The following BTBD9 variants were observed in gnomAD, a reference collection of about 807,000 sequenced individuals.
BTBD9 encodes the protein BTB domain containing 9.
In BTBD9, 49 loss-of-function variants were observed where a neutral mutation model predicts 64.3. The observed-to-expected ratio is 0.76, with a 90% CI of 0.61 to 0.97. BTBD9 has a LOEUF of 0.97. Among genes scored for constraint, BTBD9 ranks in the 50% least tolerant of loss-of-function variants. The probability of loss-of-function intolerance (pLI) is 0.00; values close to 1 mark genes in which losing one functional copy is unlikely to be tolerated. For synonymous variants in BTBD9, 260 were observed against 274.7 expected, an observed-to-expected ratio of 0.95 and a Z score of 0.53; for missense variants, 598 against 762.1, an observed-to-expected ratio of 0.78 and a Z score of 2.53.
chr6:38,293,257 T>A (rs1371874189), intron 7 of BTBD9, among the ~76,000 whole-genome samples: 2 of 152,202 alleles, frequency 1.3e-5, no homozygotes, highest in Non-Finnish European at 2.9e-5. Flanking sequence ...AAGTAATTTA[T>A]AGATTCAATG....
At chr6:38,479,727 A>T (rs920038872) in intron 6 of BTBD9, among the ~76,000 whole-genome samples, 3 of 152,034 alleles carry the variant, frequency 2.0e-5, no homozygotes, top group Non-Finnish European at 2.9e-5. Context: ...ATCTTTTTTT[A>T]TTTTTATTTT....
chr6:38,376,202 T>A (rs1246785766), intron 6 of BTBD9, among the ~76,000 whole-genome samples: 1 of 152,126 alleles, frequency 6.6e-6, no homozygotes, highest in South Asian at 2.1e-4. Context: ...GGTAAAAATG[T>A]GTGTGAAGAA....
intron 10 of BTBD9, among the ~76,000 whole-genome samples, chr6:38,187,320 T>G (rs1340803898): frequency 6.6e-6 from 1 of 152,174 alleles, no homozygotes; most frequent in East Asian, 1.9e-4. Flanking sequence ...CACACAGGAA[T>G]GACCATGAAC....
At chr6:38,534,518 T>C (rs113058446) in intron 6 of BTBD9, among the ~76,000 whole-genome samples, 294 of 146,468 alleles carry the variant, frequency 2.0e-3, no homozygotes, top group African/African-American at 6.8e-3. Flanking sequence ...ACTTCCAAAC[T>C]CATTCTATAA....
At position 38,294,174 on chromosome 6, in the gene BTBD9, G is replaced by A. The variant is rs141192932; in HGVS notation, c.1265-5713C>T. Among the ~76,000 whole-genome samples, 245 of 152,306 alleles carry A rather than the reference G, an allele frequency of 1.6e-3. 1 individual carries two copies. The highest frequency in any genetic ancestry group is 5.4e-3 in the African/African-American group (224 of 41,566). ...CATTAAAAGTCAGGAAACAACAGAT[G>A]CTGGAGAGGATGTGGAGAATTAGGA... On this transcript the variant is annotated intron_variant, in intron 7 of 10. Transcript: ENST00000481247.
At position 38,174,976 on chromosome 6, in the gene BTBD9, C is replaced by T. The variant is rs1437334712; in HGVS notation, c.*9G>A. 3.7e-6 allele frequency: 6 copies of T among 1,613,482 alleles called. No individual in the cohort carries two copies. In the East Asian group the frequency reaches 1.3e-4, roughly 36 times the overall value. ...AGCCCACCAAGTCACACCAGGCCCG[C>T]TGCCTCCTTTATTGGTGCTGCCGGT... On this transcript the variant is annotated 3_prime_UTR_variant, in exon 11 of 11. Coordinates refer to ENST00000481247, the MANE Select transcript of BTBD9 (RefSeq NM_001099272.2).
chr6:38,246,232 A>T (rs939754900), intron 9 of BTBD9, among the ~76,000 whole-genome samples: 2 of 152,230 alleles, frequency 1.3e-5, no homozygotes, highest in Non-Finnish European at 2.9e-5. Flanking sequence ...AATACAAAAG[A>T]TAAGTCCCCT....
intron 1 of BTBD9, among the ~76,000 whole-genome samples, chr6:38,621,139 C>A (rs370000465): frequency 6.6e-5 from 10 of 152,240 alleles, no homozygotes; most frequent in African/African-American, 2.2e-4. Context: ...AATATCAGAG[C>A]CTATCAAAAT....
At chr6:38,209,656 T>A (rs557986592) in intron 9 of BTBD9, among the ~76,000 whole-genome samples, 4 of 152,266 alleles carry the variant, frequency 2.6e-5, no homozygotes, top group African/African-American at 9.6e-5. Flanking sequence ...CCTCAGGTGA[T>A]TTCAATGTAT....
chr6:38,505,055 T>A (rs1385542971), intron 6 of BTBD9, among the ~76,000 whole-genome samples: 1 of 152,208 alleles, frequency 6.6e-6, no homozygotes, highest in Non-Finnish European at 1.5e-5. Flanking sequence ...GCACTACCTC[T>A]CAGCTTCCAC....
At chr6:38,535,829 A>G (rs1489888149) in intron 6 of BTBD9, among the ~76,000 whole-genome samples, 1 of 151,046 alleles carries the variant, frequency 6.6e-6, no homozygotes, top group Non-Finnish European at 1.5e-5. Flanking sequence ...AACTCTGTCC[A>G]CAACAAAAAC....
chr6:38,323,404 G>C (rs985928939), intron 7 of BTBD9, among the ~76,000 whole-genome samples: 6 of 152,210 alleles, frequency 3.9e-5, no homozygotes, highest in African/African-American at 1.4e-4. Context: ...CAGAGGGACA[G>C]AAGGGATAAA....
intron 6 of BTBD9, among the ~76,000 whole-genome samples, chr6:38,523,280 T>A (rs752866289): frequency 4.6e-5 from 7 of 152,150 alleles, no homozygotes; most frequent in Admixed American, 1.3e-4. Context: ...ACTACCCCAG[T>A]CTAGCCCTGT....
intron 6 of BTBD9, among the ~76,000 whole-genome samples, chr6:38,501,011 G>A (rs1424413769): frequency 1.3e-5 from 2 of 152,154 alleles, no homozygotes; most frequent in African/African-American, 4.8e-5. Flanking sequence ...TCTATCTAAT[G>A]TCCATAGATA....
intron 6 of BTBD9, among the ~76,000 whole-genome samples, chr6:38,574,598 T>G (rs1775941033): frequency 6.6e-6 from 1 of 152,156 alleles, no homozygotes; most frequent in Non-Finnish European, 1.5e-5. Context: ...TGACTGCCAT[T>G]TATTGAGTCC....
intron 9 of BTBD9, among the ~76,000 whole-genome samples, chr6:38,216,004 GT>G (rs1162142124): frequency 6.6e-6 from 1 of 152,164 alleles, no homozygotes; most frequent in African/African-American, 2.4e-5. Context: ...CAATTTTCGG[GT>G]TCTGAGGAGG....
At chr6:38,546,145 G>A (rs553204604) in intron 6 of BTBD9, among the ~76,000 whole-genome samples, 7 of 152,298 alleles carry the variant, frequency 4.6e-5, no homozygotes, top group Non-Finnish European at 5.9e-5. Context: ...GGTTCTATCC[G>A]ATGAGTTTTC....
intron 6 of BTBD9, among the ~76,000 whole-genome samples, chr6:38,367,463 A>T (rs377184568): frequency 2.0e-5 from 3 of 152,180 alleles, no homozygotes; most frequent in African/African-American, 7.2e-5. Flanking sequence ...TTAGGGGAAG[A>T]GAAGCTTCTC....
chr6:38,178,009 CCTGA>C (rs748395222), intron 10 of BTBD9, among the ~76,000 whole-genome samples: 6 of 152,344 alleles, frequency 3.9e-5, no homozygotes, highest in Non-Finnish European at 5.9e-5. Context: ...GCCGTAACTG[CCTGA>C]CTGAGCTCCC....
Sources: gnomAD v4.1 joint callset for allele counts (sites outside exome capture counted in the v4.1 genomes callset) on GRCh38, gnomAD v4.1.1 for gene constraint, MANE v1.5 for transcripts, NCBI Gene and HGNC (gene_info 2026-07-23, HGNC 2026-07-21) for gene names.